The following KCNC2 variants were observed in gnomAD, a reference collection of about 807,000 sequenced individuals.
KCNC2 encodes voltage-gated potassium channel KCNC2.
KCNC2 carries 21 observed loss-of-function variants against 44.5 expected under a neutral mutation model. That is an observed-to-expected ratio of 0.47 (90% CI 0.33 to 0.68). KCNC2 has a LOEUF of 0.68. Ranked by LOEUF, KCNC2 falls within the 30% of genes least tolerant of loss-of-function variation. The pLI is 0.01. For missense variants in KCNC2, 589 were observed against 826.2 expected, an observed-to-expected ratio of 0.71 and a Z score of 3.52; for synonymous variants, 391 against 339.1, an observed-to-expected ratio of 1.15 and a Z score of -1.68.
Position 75,042,218 on chromosome 12 carries a change from TAAAGAG to T in KCNC2, c.*881_*886del. On this transcript the variant is annotated 3_prime_UTR_variant, in exon 5 of 5. Transcript: ENST00000549446. The stretch of plus-strand genomic sequence containing the variant: ...ACAAACCCTGGGTATTTTTTTTTTT[TAAAGAG>T]TCTAGAACCAAGCAGCAATTTCTGG... 1 of 1,335,898 alleles carries T rather than the reference TAAAGAG, an allele frequency of 7.5e-7. No individual in the cohort carries two copies. Among genetic ancestry groups the T allele is most frequent in the Non-Finnish European group, 9.7e-7 (1 of 1,026,134 alleles). The allele number at this position is 1,335,898 out of a possible 1,614,324, so 82.8% of individuals were successfully genotyped here. A position where few individuals can be genotyped will look rare whatever the true frequency, so the allele number is the denominator to read the frequency against.
chr12:75,052,660 A>G (rs1347244861), intron 2 of KCNC2, among the ~76,000 whole-genome samples: 1 of 152,138 alleles, frequency 6.6e-6, no homozygotes, highest in East Asian at 1.9e-4. Flanking sequence ...TGCCCCTAAT[A>G]TCTAGTCCTC....
intron 2 of KCNC2, among the ~76,000 whole-genome samples, chr12:75,095,669 G>C (rs868656121): frequency 6.6e-6 from 1 of 151,746 alleles, no homozygotes; most frequent in African/African-American, 2.4e-5. Flanking sequence ...CATTAACTCT[G>C]GTCTCTTCTT....
At chr12:75,180,052 T>A (rs998522551) in intron 2 of KCNC2, among the ~76,000 whole-genome samples, 4 of 151,948 alleles carry the variant, frequency 2.6e-5, no homozygotes, top group Non-Finnish European at 4.4e-5. Context: ...TTCTTTCCTA[T>A]GTTGTTCTTT....
intron 2 of KCNC2, among the ~76,000 whole-genome samples, chr12:75,181,430 A>T (rs554956185): frequency 6.6e-6 from 1 of 152,254 alleles, no homozygotes; most frequent in South Asian, 2.1e-4. Flanking sequence ...AGAGTAGCAA[A>T]AGTTATACTT....
intron 2 of KCNC2, among the ~76,000 whole-genome samples, chr12:75,127,962 A>G (rs1192522749): frequency 6.6e-6 from 1 of 152,138 alleles, no homozygotes; most frequent in Non-Finnish European, 1.5e-5. Context: ...TTTTCTTATT[A>G]TAATATCTTA....
intron 2 of KCNC2, among the ~76,000 whole-genome samples, chr12:75,138,885 T>G (rs2446324): frequency 0.62 from 93,153 of 149,640 alleles, 30,939 homozygotes; most frequent in African/African-American, 0.87. Context: ...GGAGGCTGAG[T>G]CAGGAGAATG....
At chr12:75,202,045 T>C (rs533921596) in intron 2 of KCNC2, among the ~76,000 whole-genome samples, 2 of 152,034 alleles carry the variant, frequency 1.3e-5, no homozygotes, top group Non-Finnish European at 1.5e-5. Flanking sequence ...TTGATGGCAA[T>C]GATAAACATT....
intron 2 of KCNC2, among the ~76,000 whole-genome samples, chr12:75,149,075 G>A (rs542512485): frequency 3.9e-4 from 59 of 151,290 alleles, no homozygotes; most frequent in African/African-American, 1.3e-3. Context: ...ATATTAGAAT[G>A]TGAAACCCAA....
intron 2 of KCNC2, among the ~76,000 whole-genome samples, chr12:75,127,199 A>T (rs186384302): frequency 6.6e-6 from 1 of 152,294 alleles, no homozygotes; most frequent in East Asian, 1.9e-4. Context: ...CAAAGCGAGA[A>T]TTAGTAGTTA....
rs186507953 is a variant in KCNC2, at chr12:75,174,619, A to G, written c.687+32678T>C. On this transcript the variant is annotated intron_variant, in intron 2 of 4. Coordinates refer to ENST00000549446, the MANE Select transcript of KCNC2 (RefSeq NM_139137.4). ...CTGATCCACTCCTTTTCAGATATCAAAGTGGTCATTTAATCCAGGCTTTAC... is the reference window on the plus strand; with the variant it reads ...CTGATCCACTCCTTTTCAGATATCAGAGTGGTCATTTAATCCAGGCTTTAC... Among the ~76,000 whole-genome samples, 851 of 152,004 alleles carry G rather than the reference A, an allele frequency of 5.6e-3. 6 individuals are homozygous for G. Among genetic ancestry groups the G allele is most frequent in the Non-Finnish European group, 9.8e-3 (666 of 67,892 alleles).
chr12:75,197,584 C>T (rs925710479), intron 2 of KCNC2, among the ~76,000 whole-genome samples: 1 of 151,952 alleles, frequency 6.6e-6, no homozygotes, highest in African/African-American at 2.4e-5. Context: ...AAGGCAAGTG[C>T]TAAATTTTAA....
chr12:75,090,428 C>T (rs981680311), intron 2 of KCNC2, among the ~76,000 whole-genome samples: 31 of 151,522 alleles, frequency 2.0e-4, no homozygotes, highest in African/African-American at 7.5e-4. Flanking sequence ...CTTTTTCTCA[C>T]TTTAATCCAT....
At chr12:75,079,137 T>C (rs562178986) in intron 2 of KCNC2, among the ~76,000 whole-genome samples, 2 of 152,230 alleles carry the variant, frequency 1.3e-5, no homozygotes, top group African/African-American at 4.8e-5. Flanking sequence ...GTATGCATCT[T>C]AGAAGAAAAT....
chr12:75,158,784 T>C (rs1007436943), intron 2 of KCNC2, among the ~76,000 whole-genome samples: 5 of 151,914 alleles, frequency 3.3e-5, no homozygotes, highest in Admixed American at 3.3e-4. Flanking sequence ...AGGCTTTTTA[T>C]TAACAGCAGG....
intron 2 of KCNC2, among the ~76,000 whole-genome samples, chr12:75,057,308 G>A (rs963929347): frequency 2.0e-5 from 3 of 151,828 alleles, no homozygotes; most frequent in East Asian, 3.9e-4. Context: ...GTTGTTCATA[G>A]AACTTTGGTC....
intron 2 of KCNC2, among the ~76,000 whole-genome samples, chr12:75,115,242 G>A (rs922183781): frequency 1.3e-5 from 2 of 152,140 alleles, no homozygotes; most frequent in Non-Finnish European, 2.9e-5. Context: ...GAATCTAAAA[G>A]AGAAAACTGA....
intron 2 of KCNC2, among the ~76,000 whole-genome samples, chr12:75,141,313 A>G (rs906393409): frequency 6.6e-6 from 1 of 152,236 alleles, no homozygotes; most frequent in Non-Finnish European, 1.5e-5. Context: ...GGAGAAAACT[A>G]TAATGCAAAG....
chr12:75,095,503 GT>G (rs1160837580), intron 2 of KCNC2, among the ~76,000 whole-genome samples: 4 of 151,644 alleles, frequency 2.6e-5, no homozygotes, highest in Non-Finnish European at 4.4e-5. Context: ...TTCACATCTT[GT>G]TTTCCTTCAT....
chr12:75,098,976 T>C (rs1187129815), intron 2 of KCNC2, among the ~76,000 whole-genome samples: 2 of 152,106 alleles, frequency 1.3e-5, no homozygotes, highest in African/African-American at 4.8e-5. Context: ...GATTCATTGT[T>C]TGACCTTGCC....
Sources: gnomAD v4.1 joint callset for allele counts (sites outside exome capture counted in the v4.1 genomes callset) on GRCh38, gnomAD v4.1.1 for gene constraint, MANE v1.5 for transcripts, NCBI Gene and HGNC (gene_info 2026-07-23, HGNC 2026-07-21) for gene names.